The following SPAG17 variants were observed in gnomAD, a reference collection of about 807,000 sequenced individuals.
SPAG17 encodes the protein sperm associated antigen 17, also known as sperm-associated antigen 17.
In SPAG17, 169 loss-of-function variants were observed where a neutral mutation model predicts 273.6. The ratio of observed to expected loss-of-function variants is 0.62; its 90% CI spans 0.55 to 0.70. The LOEUF is 0.70. Ranked by LOEUF, SPAG17 falls within the 30% of genes least tolerant of loss-of-function variation. The pLI is 0.00. For missense variants in SPAG17, 2,557 were observed against 2,627.8 expected, an observed-to-expected ratio of 0.97 and a Z score of 0.59; for synonymous variants, 825 against 873.2, an observed-to-expected ratio of 0.94 and a Z score of 0.97.
intron 1 of SPAG17, among the ~76,000 whole-genome samples, chr1:118,170,143 A>G (rs142183704): frequency 1.3e-5 from 2 of 152,312 alleles, no homozygotes; most frequent in African/African-American, 4.8e-5. Context: ...CCCAAAACAT[A>G]CATTTCTTCA....
chr1:118,073,146 T>A (rs1403535126), intron 17 of SPAG17, among the ~76,000 whole-genome samples: 1 of 152,170 alleles, frequency 6.6e-6, no homozygotes, highest in East Asian at 1.9e-4. Flanking sequence ...GAGGACAAGT[T>A]TTTGTGTAAA....
chr1:118,174,632 A>G (rs2102400255), intron 1 of SPAG17, among the ~76,000 whole-genome samples: 1 of 152,314 alleles, frequency 6.6e-6, no homozygotes, highest in Middle Eastern at 3.4e-3. Flanking sequence ...AAGAAGCTCA[A>G]CAAACTCCAA....
intron 4 of SPAG17, among the ~76,000 whole-genome samples, chr1:118,114,975 C>T (rs1323701185): frequency 6.6e-6 from 1 of 152,180 alleles, no homozygotes; most frequent in African/African-American, 2.4e-5. Flanking sequence ...CCCCAACTGT[C>T]CTTTTCATAT....
chr1:118,011,412 T>G (rs771264226), intron 30 of SPAG17, among the ~76,000 whole-genome samples: 1 of 152,088 alleles, frequency 6.6e-6, no homozygotes, highest in Non-Finnish European at 1.5e-5. Flanking sequence ...CACGATCACA[T>G]CCTTTGCTGG....
At chr1:118,116,809 C>A (rs909465048) in intron 3 of SPAG17, among the ~76,000 whole-genome samples, 13 of 152,194 alleles carry the variant, frequency 8.5e-5, no homozygotes, top group African/African-American at 3.1e-4. Context: ...GAAATCTTTG[C>A]AAGTCAGAAA....
chr1:118,017,530 GA>G, intron 28 of SPAG17, among the ~76,000 whole-genome samples: 1 of 152,242 alleles, frequency 6.6e-6, no homozygotes, highest in East Asian at 1.9e-4. Flanking sequence ...AGAGACCTTG[GA>G]ATTTTTCCTA....
chr1:117,958,830 G>A (rs1022345532), intron 48 of SPAG17: 6 of 679,294 alleles, frequency 8.8e-6, no homozygotes, highest in African/African-American at 6.3e-5. Context: ...CTTTGATATT[G>A]TGTCTGTTTA....
In SPAG17 at chr1:117,994,440, C is replaced by A. The variant is rs748999990; in HGVS notation, c.5144G>T (p.Arg1715Leu). Residue 1715 changes from arginine (R) to leucine (L), a missense_variant, in exon 35 of 49, where the codon CGG (arginine) becomes CTG (leucine). Arg to Leu is a moderately radical substitution (Grantham distance 102). Transcript: ENST00000336338. Reference sequence around the variant, plus strand: ...GGGAAATGTTTCCCATGACCTTGACCGGAGATTAGGAGGGACAATTGTATC... The same window carrying A: ...GGGAAATGTTTCCCATGACCTTGACAGGAGATTAGGAGGGACAATTGTATC... Reference protein sequence around the residue: ...KEDTIVPPNLRSRSWETFPSV... With the variant: ...KEDTIVPPNLLSRSWETFPSV... 2 of 1,612,534 alleles carry A rather than the reference C, an allele frequency of 1.2e-6. No individual in the cohort carries two copies. The highest frequency in any genetic ancestry group is 2.7e-5 in the African/African-American group (2 of 74,830).
rs561211361 is a variant in SPAG17, at chr1:118,134,871, ACTT to A, written c.315+15669_315+15671del. On this transcript the variant is annotated intron_variant, in intron 3 of 48. Transcript: ENST00000336338. ...CCTAGAATTCCTCTCCTCCTTCATG[ACTT>A]CTTCATTCAGCTTTCAAGCCATTTT... Among the ~76,000 whole-genome samples the A allele has an allele frequency of 1.4e-3, 217 of 152,178 alleles. 1 individual carries two copies. Among genetic ancestry groups the A allele is most frequent in the African/African-American group, 4.9e-3 (205 of 41,512 alleles).
chr1:118,142,344 T>G (rs1226290141), intron 3 of SPAG17, among the ~76,000 whole-genome samples: 1 of 152,176 alleles, frequency 6.6e-6, no homozygotes, highest in East Asian at 1.9e-4. Flanking sequence ...GCAGTTGTCA[T>G]TTAATGGATA....
intron 47 of SPAG17, 35 bp downstream of exon 47, chr1:117,966,574 A>G (rs1653877782): frequency 1.3e-6 from 2 of 1,565,634 alleles, no homozygotes; most frequent in South Asian, 1.2e-5. Flanking sequence ...TTTCTGCACT[A>G]TATATGATTA....
intron 3 of SPAG17, among the ~76,000 whole-genome samples, chr1:118,127,562 T>C (rs1285403499): frequency 6.6e-6 from 1 of 152,236 alleles, no homozygotes; most frequent in Non-Finnish European, 1.5e-5. Context: ...CACCAGGCCC[T>C]GCCTCCAACA....
intron 20 of SPAG17, among the ~76,000 whole-genome samples, chr1:118,050,674 G>A (rs1340804416): frequency 6.6e-6 from 1 of 152,140 alleles, no homozygotes; most frequent in African/African-American, 2.4e-5. Context: ...AATGGTGCTG[G>A]GAAAACTGGA....
At chr1:118,013,114 C>A (rs1046895591) in intron 29 of SPAG17, among the ~76,000 whole-genome samples, 9 of 152,232 alleles carry the variant, frequency 5.9e-5, no homozygotes, top group African/African-American at 1.7e-4. Flanking sequence ...TGGGACTTCA[C>A]CTCAGTGTTT....
rs139343615 is a variant in SPAG17, at chr1:118,086,969, G to T, written c.1399C>A (p.Arg467=). Residue 467 remains arginine (R), a synonymous_variant, in exon 11 of 49, where the codon CGG becomes AGG. Transcript: ENST00000336338. The stretch of plus-strand genomic sequence containing the variant: ...CCGTCTGCTCTGGGGGATGGCTCCC[G>T]CAGACTGGGTGGGACGAGATCTTCT... ...TEEDLVPPSL[R]EPSPRADGLD... 1 of 1,583,098 alleles carries T rather than the reference G, an allele frequency of 6.3e-7. No homozygotes were observed. Among genetic ancestry groups the T allele is most frequent in the Non-Finnish European group, 8.6e-7 (1 of 1,168,590 alleles).
At chr1:118,096,302 G>T (rs562366986) in intron 7 of SPAG17, among the ~76,000 whole-genome samples, 1 of 151,792 alleles carries the variant, frequency 6.6e-6, no homozygotes, top group East Asian at 1.9e-4. Flanking sequence ...CCTACCCTCA[G>T]CTGTAGAAAC....
intron 27 of SPAG17, among the ~76,000 whole-genome samples, chr1:118,024,188 T>G (rs904271842): frequency 6.6e-6 from 1 of 152,152 alleles, no homozygotes; most frequent in Non-Finnish European, 1.5e-5. Flanking sequence ...GCAAACTTCT[T>G]ATGTTATGTC....
chr1:118,009,165 G>A (rs1486188288), intron 30 of SPAG17, among the ~76,000 whole-genome samples: 1 of 151,244 alleles, frequency 6.6e-6, no homozygotes, highest in Non-Finnish European at 1.5e-5. Context: ...GTATAAGAAT[G>A]TAATGTATAG....
intron 8 of SPAG17, 36 bp from the exon 9 acceptor site, chr1:118,092,038 T>C: frequency 6.4e-7 from 1 of 1,556,042 alleles, no homozygotes; most frequent in Non-Finnish European, 8.9e-7. Context: ...ACAACTGAGA[T>C]ACCCAGCTGA....
Sources: allele counts gnomAD v4.1 joint callset (sites outside exome capture counted in the v4.1 genomes callset), GRCh38; gene constraint gnomAD v4.1.1; transcripts MANE v1.5; gene names NCBI Gene and HGNC (gene_info 2026-07-23, HGNC 2026-07-21).